Variants in DACH1 observed in about 807,000 individuals in gnomAD.
The protein encoded by DACH1 is dachshund homolog 1.
A neutral mutation model predicts 54.2 loss-of-function variants in DACH1; 12 were observed. The ratio of observed to expected loss-of-function variants is 0.22; its 90% confidence interval spans 0.14 to 0.36. DACH1 has a LOEUF of 0.36. Among genes scored for constraint, DACH1 ranks in the 10% least tolerant of loss-of-function variants. DACH1 has a pLI of 1.00. For synonymous variants in DACH1, 386 were observed against 366.2 expected, an observed-to-expected ratio of 1.05 and a Z score of -0.62; for missense variants, 805 against 929.8, an observed-to-expected ratio of 0.87 and a Z score of 1.75.
chr13:71,697,784 G>T (rs1475683006), intron 1 of DACH1, among the ~76,000 whole-genome samples: 1 of 152,054 alleles, frequency 6.6e-6, no homozygotes, highest in Non-Finnish European at 1.5e-5. Context: ...ATATATGAAA[G>T]TCCTAAAATA....
intron 1 of DACH1, among the ~76,000 whole-genome samples, chr13:71,701,272 C>T (rs1052433837): frequency 6.6e-6 from 1 of 151,806 alleles, no homozygotes; most frequent in African/African-American, 2.4e-5. Context: ...ACTACATAAT[C>T]GAGACATTTT....
intron 3 of DACH1, among the ~76,000 whole-genome samples, chr13:71,589,986 A>G (rs2138457084): frequency 6.6e-6 from 1 of 152,194 alleles, no homozygotes; most frequent in South Asian, 2.1e-4. Flanking sequence ...GGCTGTAAAT[A>G]TAGTCAGTGT....
At chr13:71,795,949 C>T (rs553869436) in intron 1 of DACH1, among the ~76,000 whole-genome samples, 70 of 152,154 alleles carry the variant, frequency 4.6e-4, no homozygotes, top group African/African-American at 1.3e-3. Context: ...CTAATCTTTA[C>T]GAAAAATATA....
At chr13:71,865,843 C>T (rs2138307252) in intron 1 of DACH1, 79 bp downstream of exon 1, 1 of 1,363,444 alleles carries the variant, frequency 7.3e-7, no homozygotes, top group Non-Finnish European at 9.4e-7. Flanking sequence ...GAGCGAGCGG[C>T]GCCGGGAAAG....
intron 5 of DACH1, among the ~76,000 whole-genome samples, chr13:71,557,957 T>C (rs867938267): frequency 7.4e-4 from 113 of 151,900 alleles, no homozygotes; most frequent in African/African-American, 2.3e-3. Context: ...ATAGATTGGC[T>C]TTTGCAGCTA....
chr13:71,614,596 G>A (rs1203401297), intron 3 of DACH1, among the ~76,000 whole-genome samples: 2 of 152,166 alleles, frequency 1.3e-5, no homozygotes, highest in Non-Finnish European at 2.9e-5. Context: ...GTTTGTGCCA[G>A]TAATCCTAGC....
intron 3 of DACH1, among the ~76,000 whole-genome samples, chr13:71,582,799 T>C (rs1300277272): frequency 6.6e-6 from 1 of 152,156 alleles, no homozygotes; most frequent in Non-Finnish European, 1.5e-5. Context: ...CAGTTTTTCA[T>C]AGGCATTCAG....
chr13:71,697,599 C>T lies in DACH1; in HGVS notation c.849-15689G>A, dbSNP rs547640933. On this transcript the variant is annotated intron_variant, in intron 1 of 10. Transcript: ENST00000613252. Reference sequence around the variant, plus strand: ...ATGCCCAAATATGTAAATTTTTAAACATGGCTTACAAATCTAGACACATGT... The same window carrying T: ...ATGCCCAAATATGTAAATTTTTAAATATGGCTTACAAATCTAGACACATGT... Among the ~76,000 whole-genome samples the T allele has an allele frequency of 3.9e-5, 6 of 152,274 alleles. 1 individual carries two copies. The East Asian group carries it at 9.7e-4, about 25-fold the overall frequency.
chr13:71,634,535 G>A (rs970626049), intron 2 of DACH1, among the ~76,000 whole-genome samples: 6 of 152,082 alleles, frequency 3.9e-5, no homozygotes, highest in South Asian at 2.1e-4. Context: ...TCCTGGCCCC[G>A]GACTTGCCTA....
At position 71,559,219 on chromosome 13, in the gene DACH1, C is replaced by T. The variant is rs138693474; in HGVS notation, c.1435+601G>A. Among the ~76,000 whole-genome samples, 732 of 152,114 alleles carry T rather than the reference C, an allele frequency of 4.8e-3. 6 individuals carry two copies. Among genetic ancestry groups the T allele is most frequent in the African/African-American group, 0.017 (705 of 41,522 alleles). ...AAAATATTATAAAATAACACACAGC[C>T]CTACTTTCCAAATTTTAAAAATAAC... is the stretch of plus-strand genomic sequence containing the variant. On this transcript the variant is annotated intron_variant, in intron 5 of 10. Coordinates refer to ENST00000613252, the MANE Select transcript of DACH1 (RefSeq NM_080759.6).
intron 1 of DACH1, among the ~76,000 whole-genome samples, chr13:71,724,926 C>CTA (rs1883401470): frequency 6.6e-6 from 1 of 152,016 alleles, no homozygotes; most frequent in African/African-American, 2.4e-5. Context: ...TCAATCACAA[C>CTA]TAACTATAAC....
At chr13:71,753,202 A>G (rs1464344108) in intron 1 of DACH1, among the ~76,000 whole-genome samples, 3 of 152,206 alleles carry the variant, frequency 2.0e-5, no homozygotes, top group Non-Finnish European at 4.4e-5. Flanking sequence ...CCACTTTCCA[A>G]TAACTTCAAG....
intron 6 of DACH1, among the ~76,000 whole-genome samples, chr13:71,500,071 G>A (rs1289581440): frequency 6.6e-6 from 1 of 152,018 alleles, no homozygotes; most frequent in East Asian, 1.9e-4. Flanking sequence ...TATTTTAAGG[G>A]GTGGAGTTAC....
chr13:71,482,802 T>G (rs1361503318), intron 7 of DACH1, among the ~76,000 whole-genome samples: 5 of 147,576 alleles, frequency 3.4e-5, no homozygotes, highest in African/African-American at 5.0e-5. Flanking sequence ...AGTTTTTTTT[T>G]TTTTTTTTTT....
Position 71,657,820 on chromosome 13 carries a change from G to A in DACH1, c.964+23975C>T, listed in dbSNP as rs113110795. 4.0e-5 allele frequency among the ~76,000 whole-genome samples: 6 copies of A among 151,286 alleles called. 1 individual carries two copies. Among genetic ancestry groups the A allele is most frequent in the African/African-American group, 1.5e-4 (6 of 41,218 alleles). On this transcript the variant is annotated intron_variant, in intron 2 of 10. Transcript: ENST00000613252. ...GAGATGGGGTCTCACTATGTTGCCC[G>A]GGCTTGTCTTGAACTCAGCTCAAGC...
intron 1 of DACH1, among the ~76,000 whole-genome samples, chr13:71,785,389 C>A (rs1032384751): frequency 3.3e-5 from 5 of 151,950 alleles, no homozygotes; most frequent in Admixed American, 2.6e-4. Flanking sequence ...TGAAGATAAC[C>A]CAAAGAGCAT....
intron 1 of DACH1, among the ~76,000 whole-genome samples, chr13:71,693,651 C>T (rs1020358632): frequency 6.6e-6 from 1 of 151,924 alleles, no homozygotes; most frequent in Admixed American, 6.6e-5. Context: ...TACCAGTGGT[C>T]AACTGCTGTC....
At chr13:71,533,204 AT>A (rs544804922) in intron 6 of DACH1, among the ~76,000 whole-genome samples, 2 of 151,772 alleles carry the variant, frequency 1.3e-5, no homozygotes, top group African/African-American at 4.8e-5. Context: ...AGCGTATAAG[AT>A]TTTTTTCCTA....
intron 1 of DACH1, among the ~76,000 whole-genome samples, chr13:71,836,427 C>T (rs553734206): frequency 1.7e-4 from 26 of 152,116 alleles, no homozygotes; most frequent in East Asian, 1.4e-3. Flanking sequence ...CTTTAAAAAA[C>T]GTGCCTACAA....
Sources: allele counts gnomAD v4.1 joint callset (sites outside exome capture counted in the v4.1 genomes callset), GRCh38; gene constraint gnomAD v4.1.1; transcripts MANE v1.5; gene names NCBI Gene and HGNC (gene_info 2026-07-23, HGNC 2026-07-21).